COLEC10: variants seen among roughly 807,000 people sequenced by gnomAD.
COLEC10 encodes collectin subfamily member 10, also known as collectin-10.
A neutral mutation model predicts 28.4 loss-of-function variants in COLEC10; 22 were observed. That is an observed-to-expected ratio of 0.78 (90% CI 0.55 to 1.11). The LOEUF (loss-of-function observed/expected upper bound fraction) is 1.11. Ranked by LOEUF, COLEC10 falls within the 50% of genes least tolerant of loss-of-function variation. The pLI is 0.00. For missense variants in COLEC10, 361 were observed against 344.1 expected (o/e 1.05, Z -0.39); for synonymous variants, 125 against 116.1 (o/e 1.08, Z -0.49).
intron 2 of COLEC10, among the ~76,000 whole-genome samples, chr8:119,053,446 G>A (rs1351819510): frequency 6.6e-6 from 1 of 152,104 alleles, no homozygotes; most frequent in South Asian, 2.1e-4. Context: ...GTACCCGAAG[G>A]TGTCTGGCAC....
At chr8:118,998,191 T>G (rs1280455864) in intron 1 of COLEC10, among the ~76,000 whole-genome samples, 1 of 83,768 alleles carries the variant, frequency 1.2e-5, no homozygotes, top group Non-Finnish European at 2.1e-5. Context: ...GATTTTATAT[T>G]CCTCTAAAAT....
Position 119,104,402 on chromosome 8 carries a change from G to GA in COLEC10, c.442+509dup, listed in dbSNP as rs1165736146. On this transcript the variant is annotated intron_variant, in intron 5 of 5. Coordinates refer to ENST00000332843, the MANE Select transcript of COLEC10 (RefSeq NM_006438.5). ...ACAGACCTAATGAGCAGTAGAGCAG[G>GA]AATGTAGTACAAGCTTCTCTGACTC... Among the ~76,000 whole-genome samples the GA allele has an allele frequency of 5.3e-5, 8 of 152,200 alleles. No individual in the cohort carries two copies. In the East Asian group the frequency reaches 1.5e-3, roughly 29 times the overall value.
At chr8:118,963,201 C>T in the COLEC10 span, among the ~76,000 whole-genome samples, 1 of 152,126 alleles carries the variant, frequency 6.6e-6, no homozygotes, top group African/African-American at 2.4e-5. Flanking sequence ...ATAACAACTA[C>T]CATTTATAGA....
At chr8:119,070,468 T>TCC (rs1815085027) in intron 1 of COLEC10, among the ~76,000 whole-genome samples, 1 of 131,584 alleles carries the variant, frequency 7.6e-6, no homozygotes, top group African/African-American at 3.0e-5. Flanking sequence ...TCTCTCTCTC[T>TCC]CTCTCTCTCC....
At chr8:119,009,304 G>T (rs1432516255) in intron 1 of COLEC10, 1 of 151,044 alleles carries the variant, frequency 6.6e-6, no homozygotes, top group Non-Finnish European at 1.5e-5. Context: ...TGGAAGTGGT[G>T]CCTGTGAGAG....
chr8:119,057,248 C>T (rs1587025749), intron 2 of COLEC10, among the ~76,000 whole-genome samples: 1 of 152,142 alleles, frequency 6.6e-6, no homozygotes, highest in East Asian at 1.9e-4. Flanking sequence ...TTTCTCATGC[C>T]TCCTTGTGAA....
intron 2 of COLEC10, among the ~76,000 whole-genome samples, chr8:119,024,313 A>G (rs989189929): frequency 2.0e-5 from 3 of 152,096 alleles, no homozygotes; most frequent in African/African-American, 7.2e-5. Context: ...GAAGTGGAAT[A>G]AAATAGGAAA....
At chr8:119,067,184 C>T (rs994509840), upstream of COLEC10, 4 of 1,310,216 alleles carry the variant, frequency 3.1e-6, no homozygotes, top group African/African-American at 5.9e-5. Context: ...ATGTGTGTTC[C>T]AAATACTTCC....
rs755122786 is a variant in COLEC10, at chr8:119,106,116, C to T, written c.759C>T (p.Ser253=). The change falls in exon 6 of 6, where the codon AGC becomes AGT. Residue 253 remains serine, a synonymous_variant. Coordinates refer to ENST00000332843, the MANE Select transcript of COLEC10 (RefSeq NM_006438.5). ...YGHEDCVEML[S]SGRWNDTECH... ...ATGAGGACTGTGTGGAGATGCTGAG[C>T]TCTGGCAGATGGAATGACACAGAGT... The T allele has an allele frequency of 6.1e-5, 98 of 1,613,824 alleles. 1 individual carries two copies. The South Asian group carries it at 8.8e-4, about 14-fold the overall frequency.
rs10111285 is a variant in COLEC10, at chr8:119,027,322, A to G, written n.235+17769A>G. On this transcript the variant is annotated intron_variant and non_coding_transcript_variant, in intron 2 of 6. Coordinates refer to the COLEC10 transcript ENST00000521788. ...TGCCCACATTTAATTCATACATTTT[A>G]TTAAGTTTTTCTTTTATATATATTT... 2.2e-3 allele frequency among the ~76,000 whole-genome samples: 333 copies of G among 152,246 alleles called. 1 individual carries two copies. The highest frequency in any genetic ancestry group is 7.7e-3 in the African/African-American group (322 of 41,552).
intron 1 of COLEC10, among the ~76,000 whole-genome samples, chr8:119,007,346 A>T (rs1309604485): frequency 6.6e-6 from 1 of 152,074 alleles, no homozygotes; most frequent in Non-Finnish European, 1.5e-5. Context: ...ATTTCCATCA[A>T]TTTTACTATA....
At chr8:119,031,050 A>G (rs1474928289) in intron 2 of COLEC10, among the ~76,000 whole-genome samples, 3 of 152,196 alleles carry the variant, frequency 2.0e-5, no homozygotes, top group African/African-American at 7.2e-5. Flanking sequence ...GTTACATCAT[A>G]TTCCAAACCA....
At chr8:118,976,922 A>T in the COLEC10 span, among the ~76,000 whole-genome samples, 2 of 151,568 alleles carry the variant, frequency 1.3e-5, no homozygotes, top group Non-Finnish European at 3.0e-5. Context: ...AAACAACCCC[A>T]TCAAAAAGTG....
chr8:119,001,472 G>C lies in COLEC10; in HGVS notation n.122+5899G>C, dbSNP rs1813698600. ...GTCTCTGGCCATAACTGTCACATGGGGAGGGGAGCCAGTAGTGATGCAAAG... is the reference window on the plus strand; with the variant it reads ...GTCTCTGGCCATAACTGTCACATGGCGAGGGGAGCCAGTAGTGATGCAAAG... On this transcript the variant is annotated intron_variant and non_coding_transcript_variant, in intron 1 of 6. Transcript: ENST00000521788. 3.3e-5 allele frequency among the ~76,000 whole-genome samples: 5 copies of C among 152,142 alleles called. No individual in the cohort carries two copies. In the South Asian group the frequency reaches 1.0e-3, roughly 32 times the overall value.
intron 1 of COLEC10, among the ~76,000 whole-genome samples, chr8:118,996,289 C>A (rs961836451): frequency 6.6e-6 from 1 of 152,130 alleles, no homozygotes; most frequent in Non-Finnish European, 1.5e-5. Context: ...ATAGAGATTT[C>A]TTGGCTATTG....
At chr8:119,016,185 A>G (rs1262521793) in intron 2 of COLEC10, among the ~76,000 whole-genome samples, 1 of 151,526 alleles carries the variant, frequency 6.6e-6, no homozygotes, top group Non-Finnish European at 1.5e-5. Context: ...CCTTGCCCCC[A>G]AACCCCTGAC....
intron 1 of COLEC10, among the ~76,000 whole-genome samples, chr8:119,078,435 G>C (rs1563736778): frequency 6.6e-6 from 1 of 152,270 alleles, no homozygotes; most frequent in East Asian, 1.9e-4. Context: ...GAAGGTCTTA[G>C]TGGGACATAA....
intron 3 of COLEC10, among the ~76,000 whole-genome samples, chr8:119,093,045 C>A (rs4460404): frequency 0.091 from 13,911 of 152,190 alleles, 777 homozygotes; most frequent in Middle Eastern, 0.19. Context: ...AGGCAAAAGG[C>A]ACTAGAGAGA....
chr8:118,973,755 CT>C, the COLEC10 span, among the ~76,000 whole-genome samples: 1 of 151,984 alleles, frequency 6.6e-6, no homozygotes, highest in Non-Finnish European at 1.5e-5. Context: ...TTCTCTTACT[CT>C]TTTTTGTTCA....
Sources: gnomAD v4.1 joint callset for allele counts (sites outside exome capture counted in the v4.1 genomes callset) on GRCh38, gnomAD v4.1.1 for gene constraint, MANE v1.5 for transcripts, NCBI Gene and HGNC (gene_info 2026-07-23, HGNC 2026-07-21) for gene names.